The following WNT5B variants were observed in gnomAD, a reference collection of about 807,000 sequenced individuals.
WNT5B encodes Wnt family member 5B, also known as protein Wnt-5b.
In WNT5B, 18 loss-of-function variants were observed where a neutral mutation model predicts 36.5. That is an observed-to-expected ratio of 0.49 (90% CI 0.34 to 0.73). WNT5B has a LOEUF of 0.73. Ranked by LOEUF, WNT5B falls within the 30% of genes least tolerant of loss-of-function variation. WNT5B has a pLI of 0.01. For missense variants in WNT5B, 424 were observed against 508.4 expected (o/e 0.83, Z 1.60); for synonymous variants, 213 against 212.3 (o/e 1.00, Z -0.03).
chr12:1,638,920 T>A lies in WNT5B; in HGVS notation c.329-764T>A, dbSNP rs374535564. On this transcript the variant is annotated intron_variant, in intron 3 of 4. Coordinates refer to ENST00000397196, the MANE Select transcript of WNT5B (RefSeq NM_032642.3). ...AGCTCATAGAGCGTGAGAAATGGCA[T>A]CTGTGAGGGAGACATTTCTGCTAGG... Among the ~76,000 whole-genome samples the A allele has an allele frequency of 1.2e-4, 19 of 152,330 alleles. No homozygotes were observed. The East Asian group carries it at 3.5e-3, about 28-fold the overall frequency.
chr12:1,632,829 G>T lies in WNT5B; in HGVS notation c.252G>T (p.Gln84His), dbSNP rs1481503041. The T allele has an allele frequency of 1.3e-5, 21 of 1,614,180 alleles. No individual in the cohort carries two copies. Among genetic ancestry groups the T allele is most frequent in the Non-Finnish European group, 1.7e-5 (20 of 1,180,010 alleles). Reference protein sequence around the residue: ...EGAKTGIKECQHQFRQRRWNC... With the variant: ...EGAKTGIKECHHQFRQRRWNC... ...CCAAGACTGGCATCAAGGAATGCCA[G>T]CACCAGTTCCGGCAGCGGCGGTGGA... is the stretch of plus-strand genomic sequence containing the variant. The change falls in exon 3 of 5, where the codon CAG becomes CAT. Residue 84 changes from glutamine to histidine, a missense_variant. By Grantham distance (24) the Gln-to-His change is conservative (BLOSUM62 0). Coordinates refer to ENST00000397196, the MANE Select transcript of WNT5B (RefSeq NM_032642.3). The surrounding 1 kb of genome is among the most constrained non-coding windows in gnomAD (Gnocchi z 5.8).
intron 1 of WNT5B, among the ~76,000 whole-genome samples, chr12:1,622,266 A>T (rs61912258): frequency 1.3e-5 from 2 of 151,550 alleles, no homozygotes; most frequent in Admixed American, 6.6e-5. Flanking sequence ...GCCCGCCACC[A>T]CGCCCGGCTA....
intron 1 of WNT5B, among the ~76,000 whole-genome samples, chr12:1,629,657 T>C (rs541948929): frequency 1.7e-4 from 26 of 152,136 alleles, no homozygotes; most frequent in African/African-American, 6.3e-4. Flanking sequence ...TTTGAAGCTT[T>C]TCTCTCGTCC....
At chr12:1,641,805 TAGAA>T (rs1343929427) in intron 4 of WNT5B, among the ~76,000 whole-genome samples, 5 of 151,110 alleles carry the variant, frequency 3.3e-5, no homozygotes, top group East Asian at 1.9e-4. Context: ...CAGAAAAAAA[TAGAA>T]AGAAAAAAGA....
At chr12:1,626,583 C>A (rs573996583), upstream of WNT5B, among the ~76,000 whole-genome samples, 27 of 123,800 alleles carry the variant, frequency 2.2e-4, no homozygotes, top group Non-Finnish European at 3.2e-4. Context: ...TTTTTTTTTT[C>A]AGACGGAGTC....
intron 3 of WNT5B, among the ~76,000 whole-genome samples, chr12:1,635,248 G>A (rs918348029): frequency 1.3e-5 from 2 of 152,232 alleles, no homozygotes; most frequent in African/African-American, 2.4e-5. Context: ...AGTACAGAAC[G>A]TCTGGTGTGT....
chr12:1,639,201 G>T (rs1042685166), intron 3 of WNT5B, among the ~76,000 whole-genome samples: 1 of 150,128 alleles, frequency 6.7e-6, no homozygotes, highest in Non-Finnish European at 1.5e-5. Context: ...GCAGTGGCGC[G>T]GTCTCAGCTC....
intron 2 of WNT5B, among the ~76,000 whole-genome samples, chr12:1,631,700 C>T (rs566825136): frequency 6.6e-6 from 1 of 152,194 alleles, no homozygotes; most frequent in East Asian, 1.9e-4. Context: ...TCCCTCATGC[C>T]CATGAATTGT....
chr12:1,635,118 C>T (rs2094558274), intron 3 of WNT5B, among the ~76,000 whole-genome samples: 1 of 152,172 alleles, frequency 6.6e-6, no homozygotes, highest in Non-Finnish European at 1.5e-5. Context: ...CCAAAGGCTG[C>T]CCCGTGAAGG....
At position 1,633,353 on chromosome 12, in the gene WNT5B, CAG is replaced by C. The variant is rs2094554648; in HGVS notation, c.328+454_328+455del. On this transcript the variant is annotated intron_variant, in intron 3 of 4. Coordinates refer to ENST00000397196, the MANE Select transcript of WNT5B (RefSeq NM_032642.3). The surrounding 1 kb of genome is among the most constrained non-coding windows in gnomAD (Gnocchi z 4.8). ...TTGCCTCTTCCACTTCAACCTTTGA[CAG>C]AGAGATAGAAATGTCGGCCAAAGTG... Among the ~76,000 whole-genome samples the C allele has an allele frequency of 1.3e-5, 2 of 152,192 alleles. No homozygotes were observed. Among genetic ancestry groups the C allele is most frequent in the South Asian group, 4.1e-4 (2 of 4,832 alleles).
chr12:1,632,737 C>G lies in WNT5B; in HGVS notation c.160C>G (p.Leu54Val). Reference sequence around the variant, plus strand: ...GCCCGTGTGCAGTCAGCTTCCCGGGCTCTCCCCTGGCCAGAGGAAGCTGTG... The same window carrying G: ...GCCCGTGTGCAGTCAGCTTCCCGGGGTCTCCCCTGGCCAGAGGAAGCTGTG... ...AQPVCSQLPG[L>V]SPGQRKLCQL... The change falls in exon 3 of 5, where the codon CTC becomes GTC. Residue 54 changes from leucine (L) to valine (V), a missense_variant. Transcript: ENST00000397196. The surrounding 1 kb of genome is among the most constrained non-coding windows in gnomAD (Gnocchi z 5.8). 6.2e-7 allele frequency: 1 copy of G among 1,614,048 alleles called. No homozygotes were observed. Among genetic ancestry groups the G allele is most frequent in the Non-Finnish European group, 8.5e-7 (1 of 1,179,912 alleles).
intron 4 of WNT5B, 32 bp downstream of exon 4, chr12:1,640,008 T>G: frequency 6.3e-7 from 1 of 1,587,048 alleles, no homozygotes; most frequent in Non-Finnish European, 8.6e-7. Flanking sequence ...TCCCCAGCAC[T>G]GCAGACCTAG....
intron 1 of WNT5B, 88 bp from the exon 2 acceptor site, chr12:1,631,210 A>G: frequency 8.4e-7 from 1 of 1,191,874 alleles, no homozygotes; most frequent in Admixed American, 2.4e-5. Context: ...CGTAAGCATC[A>G]GTGCAACTTT....
intron 1 of WNT5B, among the ~76,000 whole-genome samples, chr12:1,623,475 T>G (rs6489306): frequency 0.33 from 50,411 of 151,632 alleles, 9,375 homozygotes; most frequent in African/African-American, 0.51. Context: ...GATTACAGGC[T>G]TGAGCCACCG....
chr12:1,617,137 G>T (rs572213163), exon 1 of WNT5B: 2 of 152,178 alleles, frequency 1.3e-5, no homozygotes, highest in South Asian at 4.1e-4. Flanking sequence ...GAGAAGACTG[G>T]AATCAGGTGA....
intron 1 of WNT5B, among the ~76,000 whole-genome samples, chr12:1,623,259 A>G (rs1440210848): frequency 8.0e-6 from 1 of 124,852 alleles, no homozygotes; most frequent in African/African-American, 3.1e-5. Flanking sequence ...GCAGTGGCAC[A>G]GTCTCGGCTC....
Position 1,644,451 on chromosome 12 carries a change from G to A in WNT5B, c.622-1343G>A, listed in dbSNP as rs16928615. 0.016 allele frequency among the ~76,000 whole-genome samples: 2,500 copies of A among 152,198 alleles called. 29 individuals carry two copies. The highest frequency in any genetic ancestry group is 0.024 in the Middle Eastern group (7 of 294). ...TCAGTTTCTCCACCATAAAATAGTG[G>A]GAATAATTCCGTACCAGAAAAAACT... On this transcript the variant is annotated intron_variant, in intron 4 of 4. Transcript: ENST00000397196. This position sits in a 1 kb window ranked among gnomAD's most constrained non-coding sequence, Gnocchi z 5.1.
At chr12:1,629,043 AT>A (rs373799013), upstream of WNT5B, among the ~76,000 whole-genome samples, 3 of 139,520 alleles carry the variant, frequency 2.2e-5, no homozygotes, top group South Asian at 7.2e-4. Context: ...TTGGGGGGCA[AT>A]TTTTAAAAAA....
Position 1,632,643 on chromosome 12 carries a change from G to T in WNT5B, c.81-15G>T. 2 of 1,586,798 alleles carry T rather than the reference G, an allele frequency of 1.3e-6. No individual in the cohort carries two copies. Among genetic ancestry groups the T allele is most frequent in the Admixed American group, 1.7e-5 (1 of 58,126 alleles). On this transcript the variant is annotated splice_polypyrimidine_tract_variant and intron_variant, in intron 2 of 4. Coordinates refer to ENST00000397196, the MANE Select transcript of WNT5B (RefSeq NM_032642.3). The surrounding 1 kb of genome is among the most constrained non-coding windows in gnomAD (Gnocchi z 5.8). ...TCCTGGGCCTTTTTTTCCCCTTTCT[G>T]GATTGCTGTCCTAGGTCATTAGCTT...
Sources: gnomAD v4.1 joint callset for allele counts (sites outside exome capture counted in the v4.1 genomes callset) on GRCh38, gnomAD v4.1.1 for gene constraint, Gnocchi (gnomAD v3.1) non-coding constraint, MANE v1.5 for transcripts, NCBI Gene and HGNC (gene_info 2026-07-23, HGNC 2026-07-21) for gene names.